The following SAMD3 variants were observed in gnomAD, a reference collection of about 807,000 sequenced individuals.
The protein encoded by SAMD3 is sterile alpha motif domain containing 3.
A neutral mutation model predicts 58.5 loss-of-function variants in SAMD3; 63 were observed. That is an observed-to-expected ratio of 1.08 (90% CI 0.88 to 1.33). The LOEUF (loss-of-function observed/expected upper bound fraction) is 1.33, where lower values mean the gene tolerates loss of function less well. SAMD3 is among the 40% of genes most tolerant of loss of function. The probability of loss-of-function intolerance (pLI) is 0.00; values close to 1 mark genes in which losing one functional copy is unlikely to be tolerated. For missense variants in SAMD3, 604 were observed against 608.4 expected (o/e 0.99, Z 0.08); for synonymous variants, 220 against 210.3 (o/e 1.05, Z -0.40).
intron 1 of SAMD3, among the ~76,000 whole-genome samples, chr6:130,313,934 T>A (rs1277103297): frequency 6.6e-6 from 1 of 152,242 alleles, no homozygotes; most frequent in Non-Finnish European, 1.5e-5. Context: ...TTTGTTGACA[T>A]CTCTCATCTG....
rs1789629378 is a variant in SAMD3, at chr6:130,154,811, TAG to T, written c.1023+12_1023+13del. On this transcript the variant is annotated intron_variant, in intron 9 of 11. Transcript: ENST00000439090. ...ATATATATGTGTGTGTATATATATA[TAG>T]AATAAAGATACCTGATAAGGGCACT... 1 of 1,541,436 alleles carries T rather than the reference TAG, an allele frequency of 6.5e-7. No individual in the cohort carries two copies. The highest frequency in any genetic ancestry group is 8.9e-7 in the Non-Finnish European group (1 of 1,118,650).
At chr6:130,280,408 G>C (rs540095525) in intron 2 of SAMD3, among the ~76,000 whole-genome samples, 1 of 152,262 alleles carries the variant, frequency 6.6e-6, no homozygotes, top group East Asian at 1.9e-4. Flanking sequence ...CCCTCCGGCA[G>C]GATCTGCAGA....
intron 2 of SAMD3, among the ~76,000 whole-genome samples, chr6:130,301,570 T>C (rs1775749282): frequency 6.6e-6 from 1 of 152,136 alleles, no homozygotes. Context: ...TTCACAGAAT[T>C]AGAAAAAACA....
intron 2 of SAMD3, among the ~76,000 whole-genome samples, chr6:130,235,427 G>C (rs562297103): frequency 6.6e-6 from 1 of 152,218 alleles, no homozygotes; most frequent in South Asian, 2.1e-4. Context: ...TTTAATAGTG[G>C]CTTTTTCAAT....
intron 1 of SAMD3, among the ~76,000 whole-genome samples, chr6:130,349,327 G>T (rs1397217060): frequency 6.6e-6 from 1 of 151,898 alleles, no homozygotes; most frequent in Non-Finnish European, 1.5e-5. Context: ...TTGATAGACC[G>T]CTAGCAAGAC....
intron 1 of SAMD3, among the ~76,000 whole-genome samples, chr6:130,354,664 TG>T (rs1777774116): frequency 6.6e-6 from 1 of 151,120 alleles, no homozygotes; most frequent in Admixed American, 6.6e-5. Flanking sequence ...GGGTGAAGGG[TG>T]GGGAAGGGAG....
At chr6:130,199,882 A>G (rs1794481540) in intron 5 of SAMD3, among the ~76,000 whole-genome samples, 1 of 152,172 alleles carries the variant, frequency 6.6e-6, no homozygotes, top group African/African-American at 2.4e-5. Context: ...GGGCTCTCAC[A>G]CCTGGCAATA....
intron 5 of SAMD3, among the ~76,000 whole-genome samples, chr6:130,194,908 A>G (rs564879339): frequency 5.5e-4 from 84 of 152,156 alleles, no homozygotes; most frequent in African/African-American, 1.9e-3. Context: ...CCCCTTCTTA[A>G]TCAATATGGA....
Position 130,187,060 on chromosome 6 carries a change from G to A in SAMD3, c.384-2437C>T, listed in dbSNP as rs185661964. ...GCTGGGATTACAGGTGTGAGCCACC[G>A]TGCCTGGGCCTTCCTAGCATTTTTT... On this transcript the variant is annotated intron_variant, in intron 5 of 11. Transcript: ENST00000439090. Among the ~76,000 whole-genome samples the A allele has an allele frequency of 2.1e-3, 319 of 152,212 alleles. 4 individuals are homozygous for A. The highest frequency in any genetic ancestry group is 4.4e-4 in the Non-Finnish European group (30 of 68,006).
At chr6:130,227,087 A>G (rs62431196), upstream of SAMD3, among the ~76,000 whole-genome samples, 7,724 of 152,252 alleles carry the variant, frequency 0.051, 222 homozygotes, top group South Asian at 0.093. Context: ...ATCATCCCCA[A>G]AATGAAACTC....
intron 1 of SAMD3, among the ~76,000 whole-genome samples, chr6:130,318,498 G>A (rs1313851416): frequency 3.3e-5 from 5 of 151,066 alleles, no homozygotes; most frequent in African/African-American, 4.9e-5. Context: ...GTGAGATCTC[G>A]GCTCACTGCA....
At chr6:130,335,176 G>C (rs780760473) in intron 1 of SAMD3, among the ~76,000 whole-genome samples, 4 of 152,118 alleles carry the variant, frequency 2.6e-5, no homozygotes, top group Non-Finnish European at 4.4e-5. Context: ...CATGCTCCAG[G>C]GTGAATGGAA....
At chr6:130,209,857 T>C (rs747246406) in intron 4 of SAMD3, among the ~76,000 whole-genome samples, 1 of 152,250 alleles carries the variant, frequency 6.6e-6, no homozygotes, top group Non-Finnish European at 1.5e-5. Context: ...GTCTATCCTA[T>C]TTTTAAATGG....
chr6:130,355,875 T>C (rs1777814255), intron 1 of SAMD3, among the ~76,000 whole-genome samples: 1 of 151,598 alleles, frequency 6.6e-6, no homozygotes, highest in South Asian at 2.1e-4. Context: ...GCGCATGATT[T>C]AGTGAATATT....
At chr6:130,209,015 T>C (rs1313758844) in intron 5 of SAMD3, among the ~76,000 whole-genome samples, 6 of 152,178 alleles carry the variant, frequency 3.9e-5, no homozygotes, top group African/African-American at 1.4e-4. Context: ...GAAATATACA[T>C]TACGTAAAAC....
chr6:130,190,999 A>T (rs192970505), intron 5 of SAMD3, among the ~76,000 whole-genome samples: 12 of 152,006 alleles, frequency 7.9e-5, no homozygotes, highest in Admixed American at 7.9e-4. Context: ...TAAAAGTCCC[A>T]TAGTTTAAAG....
intron 5 of SAMD3, among the ~76,000 whole-genome samples, chr6:130,203,085 G>C (rs1794789476): frequency 6.6e-6 from 1 of 152,124 alleles, no homozygotes; most frequent in Admixed American, 6.5e-5. Flanking sequence ...CTCTTGTCTG[G>C]AGCCCTGAGT....
chr6:130,352,820 A>G (rs1562537278), intron 1 of SAMD3, among the ~76,000 whole-genome samples: 1 of 152,206 alleles, frequency 6.6e-6, no homozygotes, highest in Non-Finnish European at 1.5e-5. Flanking sequence ...TACATTCTGA[A>G]ATTCTCAGAG....
chr6:130,184,396 G>A, intron 6 of SAMD3, 42 bp downstream of exon 6: 1 of 1,581,782 alleles, frequency 6.3e-7, no homozygotes, highest in Non-Finnish European at 8.7e-7. Context: ...TTCTGAAACA[G>A]ACCCTTTCCC....
Sources: allele counts gnomAD v4.1 joint callset (sites outside exome capture counted in the v4.1 genomes callset), GRCh38; gene constraint gnomAD v4.1.1; transcripts MANE v1.5; gene names NCBI Gene and HGNC (gene_info 2026-07-23, HGNC 2026-07-21).